PRKN: variants seen among roughly 807,000 people sequenced by gnomAD.
PRKN encodes the protein E3 ubiquitin-protein ligase parkin.
In PRKN, 56 loss-of-function variants were observed where a neutral mutation model predicts 59.5. The ratio of observed to expected loss-of-function variants is 0.94; its 90% CI spans 0.76 to 1.18. PRKN has a LOEUF of 1.18. Among genes scored for constraint, PRKN ranks in the 50% most tolerant of loss-of-function variants. PRKN has a pLI of 0.00. For synonymous variants in PRKN, 250 were observed against 222.1 expected (o/e 1.13, Z -1.12); for missense variants, 657 against 596.4 (o/e 1.10, Z -1.06).
chr6:161,682,214 A>T (rs534606519), intron 7 of PRKN, among the ~76,000 whole-genome samples: 1 of 152,160 alleles, frequency 6.6e-6, no homozygotes, highest in Non-Finnish European at 1.5e-5. Flanking sequence ...TGGAGCAACC[A>T]CTTGGGAACA....
chr6:161,679,241 T>C (rs1470375882), intron 7 of PRKN, among the ~76,000 whole-genome samples: 1 of 152,182 alleles, frequency 6.6e-6, no homozygotes, highest in Non-Finnish European at 1.5e-5. Context: ...TCGGTGCCTA[T>C]AGGACTAATA....
chr6:162,378,749 C>T (rs975293003), intron 2 of PRKN, among the ~76,000 whole-genome samples: 4 of 152,176 alleles, frequency 2.6e-5, no homozygotes, highest in African/African-American at 9.7e-5. Context: ...AGTTGCTTAC[C>T]ATAAAACCAC....
intron 7 of PRKN, among the ~76,000 whole-genome samples, chr6:161,585,539 TTG>T (rs1195926359): frequency 2.0e-5 from 3 of 152,222 alleles, no homozygotes; most frequent in Non-Finnish European, 2.9e-5. Flanking sequence ...ATCTCAAATT[TTG>T]TGTATCTAAC....
At chr6:161,733,026 A>C (rs1787788046) in intron 7 of PRKN, among the ~76,000 whole-genome samples, 1 of 152,202 alleles carries the variant, frequency 6.6e-6, no homozygotes, top group African/African-American at 2.4e-5. Flanking sequence ...AAATGCTGCT[A>C]ACAGAAAAAA....
chr6:161,675,745 A>T (rs1785063540), intron 7 of PRKN, among the ~76,000 whole-genome samples: 1 of 152,196 alleles, frequency 6.6e-6, no homozygotes, highest in Admixed American at 6.5e-5. Context: ...TGTAGTCTAT[A>T]TTCCTCACAA....
At chr6:161,684,254 T>C (rs913793941) in intron 7 of PRKN, among the ~76,000 whole-genome samples, 7 of 151,836 alleles carry the variant, frequency 4.6e-5, no homozygotes, top group African/African-American at 9.7e-5. Context: ...AAAAAATTTA[T>C]TTATTATTAC....
chr6:161,749,309 A>G (rs889764989), intron 7 of PRKN, among the ~76,000 whole-genome samples: 10 of 152,182 alleles, frequency 6.6e-5, no homozygotes, highest in African/African-American at 2.4e-4. Context: ...GTACATATAT[A>G]TACATGCATG....
intron 9 of PRKN, among the ~76,000 whole-genome samples, chr6:161,491,267 G>A (rs1777545252): frequency 6.6e-6 from 1 of 152,152 alleles, no homozygotes; most frequent in Admixed American, 6.5e-5. Context: ...GCAGGGTGAT[G>A]CCTGAAGGAA....
chr6:162,716,101 G>A (rs1004848387), intron 1 of PRKN, among the ~76,000 whole-genome samples: 1 of 152,062 alleles, frequency 6.6e-6, no homozygotes, highest in African/African-American at 2.4e-5. Context: ...TATAATTTAA[G>A]GTGTCAATAA....
chr6:161,996,032 T>C (rs1781827821), intron 5 of PRKN, among the ~76,000 whole-genome samples: 1 of 152,092 alleles, frequency 6.6e-6, no homozygotes, highest in African/African-American at 2.4e-5. Context: ...AATAATCCCA[T>C]GACTAGGTAT....
At chr6:162,711,970 A>G (rs1778555687) in intron 1 of PRKN, among the ~76,000 whole-genome samples, 1 of 152,168 alleles carries the variant, frequency 6.6e-6, no homozygotes. Context: ...TGGTCGGGGA[A>G]GGCAGAGAGA....
intron 7 of PRKN, among the ~76,000 whole-genome samples, chr6:161,572,027 G>A (rs1185295878): frequency 6.6e-6 from 1 of 152,102 alleles, no homozygotes; most frequent in African/African-American, 2.4e-5. Context: ...AGGCTTTCCT[G>A]GTTTTCCAGC....
intron 2 of PRKN, among the ~76,000 whole-genome samples, chr6:162,292,000 G>A (rs1315944872): frequency 8.1e-6 from 1 of 123,718 alleles, no homozygotes; most frequent in Non-Finnish European, 1.6e-5. Flanking sequence ...TTTCACTCTT[G>A]TCATCCAGGC....
chr6:161,993,316 A>G lies in PRKN; in HGVS notation c.619-19899T>C, dbSNP rs1781721607. On this transcript the variant is annotated intron_variant, in intron 5 of 11. Transcript: ENST00000366898. ...ACAAAGAATCATTAGAGACTATTAT[A>G]AACAACTACATGCCAACAAATTGGA... is the stretch of plus-strand genomic sequence containing the variant. 2.0e-5 allele frequency among the ~76,000 whole-genome samples: 3 copies of G among 152,282 alleles called. No homozygotes were observed. In the South Asian group the frequency reaches 6.2e-4, roughly 32 times the overall value.
intron 6 of PRKN, among the ~76,000 whole-genome samples, chr6:161,883,156 A>G (rs1795005649): frequency 1.3e-5 from 2 of 152,210 alleles, no homozygotes; most frequent in Admixed American, 6.5e-5. Flanking sequence ...GTTAGAGAAT[A>G]GAATTGAATA....
chr6:162,084,738 T>A (rs1000978694), intron 4 of PRKN, among the ~76,000 whole-genome samples: 4 of 152,092 alleles, frequency 2.6e-5, no homozygotes, highest in African/African-American at 9.7e-5. Context: ...TGTACTGTAG[T>A]TACAGGAACT....
chr6:162,716,920 G>A (rs1322631129), intron 1 of PRKN, among the ~76,000 whole-genome samples: 3 of 152,098 alleles, frequency 2.0e-5, no homozygotes, highest in Non-Finnish European at 2.9e-5. Flanking sequence ...CTAACCATAC[G>A]TTCAAATGGT....
At chr6:162,405,976 G>A (rs1306456182) in intron 2 of PRKN, among the ~76,000 whole-genome samples, 1 of 152,106 alleles carries the variant, frequency 6.6e-6, no homozygotes, top group Non-Finnish European at 1.5e-5. Context: ...GCAACAACAA[G>A]CAAGCAATGG....
At chr6:161,422,580 G>A (rs1667321959) in intron 9 of PRKN, among the ~76,000 whole-genome samples, 1 of 152,068 alleles carries the variant, frequency 6.6e-6, no homozygotes, top group Non-Finnish European at 1.5e-5. Context: ...TATTCTCATA[G>A]ATGCTCTGTT....
Sources: allele counts gnomAD v4.1 joint callset (sites outside exome capture counted in the v4.1 genomes callset), GRCh38; gene constraint gnomAD v4.1.1; transcripts MANE v1.5; gene names NCBI Gene and HGNC (gene_info 2026-07-23, HGNC 2026-07-21).